CTBP2: variants seen among roughly 807,000 people sequenced by gnomAD.
CTBP2 encodes C-terminal binding protein 2.
Under a neutral mutation model 80.3 loss-of-function variants are expected in CTBP2, and 30 were observed. The observed-to-expected ratio is 0.37, with a 90% CI of 0.28 to 0.51. The LOEUF (loss-of-function observed/expected upper bound fraction) is 0.51, where lower values mean the gene tolerates loss of function less well. Ranked by LOEUF, CTBP2 falls within the 20% of genes least tolerant of loss-of-function variation. The pLI, the probability that CTBP2 is intolerant of heterozygous loss-of-function variation, is 0.93. For missense variants in CTBP2, 1,212 were observed against 1,375.3 expected (o/e 0.88, Z 1.88); for synonymous variants, 594 against 587.4 (o/e 1.01, Z -0.16).
intron 2 of CTBP2, among the ~76,000 whole-genome samples, chr10:125,097,106 A>G (rs1590746981): frequency 6.6e-6 from 1 of 152,142 alleles, no homozygotes; most frequent in East Asian, 1.9e-4. Flanking sequence ...CCTCCAATTA[A>G]TTTTTGCAGC....
intron 1 of CTBP2, among the ~76,000 whole-genome samples, chr10:125,126,912 T>A (rs554341778): frequency 2.0e-5 from 3 of 150,658 alleles, no homozygotes; most frequent in Non-Finnish European, 4.4e-5. Context: ...CACACGTGCA[T>A]ACACACACAC....
chr10:125,082,292 G>T (rs570669118), intron 2 of CTBP2, among the ~76,000 whole-genome samples: 1 of 152,302 alleles, frequency 6.6e-6, no homozygotes, highest in African/African-American at 2.4e-5. Flanking sequence ...GGCCAGATGG[G>T]CTGCCTCTTA....
intron 2 of CTBP2, among the ~76,000 whole-genome samples, chr10:125,057,641 C>T (rs1406544467): frequency 6.6e-6 from 1 of 152,138 alleles, no homozygotes; most frequent in East Asian, 1.9e-4. Flanking sequence ...GCAAATGTTT[C>T]AATAAATCCA....
At chr10:125,045,038 C>T (rs3012064) in intron 2 of CTBP2, among the ~76,000 whole-genome samples, 60,078 of 152,064 alleles carry the variant, frequency 0.4, 14,825 homozygotes, top group African/African-American at 0.69. Context: ...ATGCTGAATG[C>T]TGGATTCGTG....
chr10:125,089,234 A>G (rs1017484400), intron 2 of CTBP2, among the ~76,000 whole-genome samples: 7 of 152,340 alleles, frequency 4.6e-5, no homozygotes, highest in Admixed American at 1.3e-4. Context: ...TGCTTTTTTC[A>G]TAAGTGTAAA....
At chr10:125,102,987 T>TCC (rs998547455) in intron 2 of CTBP2, among the ~76,000 whole-genome samples, 15 of 152,038 alleles carry the variant, frequency 9.9e-5, no homozygotes, top group African/African-American at 2.7e-4. Flanking sequence ...TACAGCTGGG[T>TCC]CCCCACACCC....
At chr10:125,035,997 A>G (rs371613010) in intron 3 of CTBP2, among the ~76,000 whole-genome samples, 1 of 152,172 alleles carries the variant, frequency 6.6e-6, no homozygotes, top group African/African-American at 2.4e-5. Context: ...AAACTCAAAG[A>G]GTTACATTAA....
intron 8 of CTBP2, among the ~76,000 whole-genome samples, chr10:124,991,143 T>A (rs1172818333): frequency 1.3e-5 from 2 of 152,268 alleles, no homozygotes; most frequent in African/African-American, 4.8e-5. Flanking sequence ...ACACACTGCA[T>A]TCGCCAACCA....
chr10:125,101,443 T>C (rs1850604459), intron 2 of CTBP2, among the ~76,000 whole-genome samples: 1 of 152,234 alleles, frequency 6.6e-6, no homozygotes, highest in Admixed American at 6.5e-5. Flanking sequence ...TGCAGCAGCA[T>C]GGTGCCAGCA....
At position 125,027,491 on chromosome 10, in the gene CTBP2, G is replaced by A; in HGVS notation, c.269C>T (p.Thr90Ile). ...CACTGCCTGTCTGCTGTCGTAGAAG[G>A]TGAAGTCAGGAGTAGACCCCTTTCT... is the stretch of plus-strand genomic sequence containing the variant. The change falls in exon 1 of 9, where the codon ACC becomes ATC. Residue 90 changes from threonine to isoleucine, a missense_variant. Physicochemically the swap from Thr to Ile is moderately conservative, Grantham distance 89. Transcript: ENST00000309035. The A allele has an allele frequency of 6.2e-7, 1 of 1,614,196 alleles. No individual in the cohort carries two copies. Among genetic ancestry groups the A allele is most frequent in the Non-Finnish European group, 8.5e-7 (1 of 1,180,036 alleles).
Position 125,068,151 on chromosome 10 carries a change from G to C in CTBP2, c.-101-28996C>G, listed in dbSNP as rs537032410. 1.1e-4 allele frequency among the ~76,000 whole-genome samples: 16 copies of C among 152,300 alleles called. No homozygotes were observed. In the South Asian group the frequency reaches 1.9e-3, roughly 18 times the overall value. On this transcript the variant is annotated intron_variant, in intron 2 of 10. Transcript: ENST00000337195. Reference sequence around the variant, plus strand: ...ATGCGGCCCAGGCCCACAGACTCCAGAGGATTTTGGGAAGCTTCACAGCTG... The same window carrying C: ...ATGCGGCCCAGGCCCACAGACTCCACAGGATTTTGGGAAGCTTCACAGCTG...
At position 124,985,256 on chromosome 10, in the gene CTBP2, C is replaced by T; in HGVS notation, c.*4262G>A. On this transcript the variant is annotated 3_prime_UTR_variant, in exon 9 of 9. Coordinates refer to ENST00000309035, the MANE Select transcript of CTBP2 (RefSeq NM_022802.3). ...CTTTTTTTCCTTCCAAATTGTAAAT[C>T]TGTCTATAAATGTAACGCATGTGGT... 2.6e-6 allele frequency: 1 copy of T among 388,366 alleles called. No homozygotes were observed. 24.1% of individuals were successfully genotyped at this position (388,366 alleles called of 1,614,324 possible). A position where few individuals can be genotyped will look rare whatever the true frequency, so the allele number is the denominator to read the frequency against.
intron 2 of CTBP2, among the ~76,000 whole-genome samples, chr10:125,076,456 T>C (rs1356206830): frequency 1.3e-5 from 2 of 152,154 alleles, no homozygotes; most frequent in Non-Finnish European, 2.9e-5. Context: ...CTAGGTTCAG[T>C]TCTGTCCAGG....
intron 1 of CTBP2, among the ~76,000 whole-genome samples, chr10:125,025,295 T>C (rs1435839076): frequency 6.6e-6 from 1 of 152,194 alleles, no homozygotes; most frequent in East Asian, 1.9e-4. Flanking sequence ...AAATTGTAAA[T>C]GGTGCTCTGA....
At chr10:125,150,123 C>T (rs1002731492) in intron 1 of CTBP2, among the ~76,000 whole-genome samples, 1 of 152,216 alleles carries the variant, frequency 6.6e-6, no homozygotes, top group Non-Finnish European at 1.5e-5. Context: ...CAAACCAGAT[C>T]CTATTTCAGG....
intron 2 of CTBP2, among the ~76,000 whole-genome samples, chr10:125,098,764 G>C (rs11245504): frequency 0.021 from 2,155 of 102,742 alleles, 187 homozygotes; most frequent in African/African-American, 0.06. Flanking sequence ...GAGAGAGAGA[G>C]AGAGAGAGAG....
intron 1 of CTBP2, chr10:125,138,014 G>T (rs1366072226): frequency 6.6e-6 from 1 of 152,256 alleles, no homozygotes; most frequent in African/African-American, 2.4e-5. Flanking sequence ...TACAAAAACA[G>T]AGGTGGTGAT....
chr10:125,045,004 G>C (rs2135095196), intron 2 of CTBP2, among the ~76,000 whole-genome samples: 1 of 152,296 alleles, frequency 6.6e-6, no homozygotes, highest in African/African-American at 2.4e-5. Context: ...TGGACCGAAT[G>C]CTTGTGTACC....
At chr10:125,022,023 A>G (rs1203208164) in intron 1 of CTBP2, among the ~76,000 whole-genome samples, 1 of 152,246 alleles carries the variant, frequency 6.6e-6, no homozygotes, top group Non-Finnish European at 1.5e-5. Flanking sequence ...TTACTCTGCA[A>G]GAAAAGAGAC....
Sources: gnomAD v4.1 joint callset for allele counts (sites outside exome capture counted in the v4.1 genomes callset) on GRCh38, gnomAD v4.1.1 for gene constraint, MANE v1.5 for transcripts, NCBI Gene and HGNC (gene_info 2026-07-23, HGNC 2026-07-21) for gene names.